TRAPPC3L: variants seen among roughly 807,000 people sequenced by gnomAD.
TRAPPC3L encodes the protein trafficking protein particle complex subunit 3-like protein.
Under a neutral mutation model 23.7 loss-of-function variants are expected in TRAPPC3L, and 23 were observed. That is an observed-to-expected ratio of 0.97 (90% CI 0.70 to 1.37). The LOEUF is 1.37. Ranked by LOEUF, TRAPPC3L falls within the 40% of genes most tolerant of loss-of-function variation. The pLI, the probability that TRAPPC3L is intolerant of heterozygous loss-of-function variation, is 0.00. For synonymous variants in TRAPPC3L, 81 were observed against 77.9 expected, an observed-to-expected ratio of 1.04 and a Z score of -0.21; for missense variants, 212 against 216.8, an observed-to-expected ratio of 0.98 and a Z score of 0.14.
At chr6:116,506,143 A>G (rs1323234564) in intron 3 of TRAPPC3L, among the ~76,000 whole-genome samples, 1 of 152,254 alleles carries the variant, frequency 6.6e-6, no homozygotes, top group Admixed American at 6.5e-5. Context: ...TAATATCCAG[A>G]GTCTACAAAG....
chr6:116,530,837 AAAAC>A (rs1289549635), intron 3 of TRAPPC3L, among the ~76,000 whole-genome samples: 1 of 149,862 alleles, frequency 6.7e-6, no homozygotes, highest in Admixed American at 6.6e-5. Context: ...GAAACAAAGA[AAAAC>A]AAACACCAGC....
chr6:116,544,365 C>G (rs1045524509), intron 1 of TRAPPC3L, among the ~76,000 whole-genome samples: 9 of 152,000 alleles, frequency 5.9e-5, no homozygotes, highest in Admixed American at 1.3e-4. Flanking sequence ...ATATTGAAAT[C>G]TATTTTATTT....
rs532670251 is a variant in TRAPPC3L at position 116,533,765 on chromosome 6, T to A, written c.240+6598A>T. Among the ~76,000 whole-genome samples the A allele has an allele frequency of 1.3e-3, 202 of 152,350 alleles. 1 individual carries two copies. Among genetic ancestry groups the A allele is most frequent in the Non-Finnish European group, 2.3e-3 (154 of 68,034 alleles). Reference sequence around the variant, plus strand: ...GAAGAAGGGGCTTTTCTTCTGTCTCTAGCGTGCCTTTTGTTGGCTTGCTCC... The same window carrying A: ...GAAGAAGGGGCTTTTCTTCTGTCTCAAGCGTGCCTTTTGTTGGCTTGCTCC... On this transcript the variant is annotated intron_variant, in intron 3 of 4. Transcript: ENST00000368602.
chr6:116,526,160 A>G (rs1168777692), intron 3 of TRAPPC3L, among the ~76,000 whole-genome samples: 1 of 152,234 alleles, frequency 6.6e-6, no homozygotes, highest in Non-Finnish European at 1.5e-5. Context: ...CTCTTTCCCT[A>G]TAGACAAGTT....
At chr6:116,505,145 A>T (rs1179334338) in intron 3 of TRAPPC3L, among the ~76,000 whole-genome samples, 5 of 152,234 alleles carry the variant, frequency 3.3e-5, no homozygotes, top group Non-Finnish European at 7.3e-5. Flanking sequence ...AAATCTCCTT[A>T]AGCTGATAAG....
chr6:116,536,301 A>G (rs1159256970), intron 3 of TRAPPC3L, among the ~76,000 whole-genome samples: 1 of 152,188 alleles, frequency 6.6e-6, no homozygotes, highest in African/African-American at 2.4e-5. Context: ...GGCCATTATC[A>G]TGGGATTTCT....
At chr6:116,530,807 G>A (rs532217803) in intron 3 of TRAPPC3L, among the ~76,000 whole-genome samples, 17 of 150,096 alleles carry the variant, frequency 1.1e-4, no homozygotes, top group Non-Finnish European at 2.1e-4. Flanking sequence ...CACTAGTTAC[G>A]TGCCCCAAAT....
chr6:116,511,877 G>C lies in TRAPPC3L; in HGVS notation c.241-11211C>G, dbSNP rs1184527676. 9 of 1,613,942 alleles carry C rather than the reference G, an allele frequency of 5.6e-6. No homozygotes were observed. The South Asian group carries it at 9.9e-5, about 18-fold the overall frequency. ...GGTTTTCCTCTTTGCTCCTGCCTGGGTGTTACTGATCCTGGGATTCTTTCT... is the reference window on the plus strand; with the variant it reads ...GGTTTTCCTCTTTGCTCCTGCCTGGCTGTTACTGATCCTGGGATTCTTTCT... On this transcript the variant is annotated intron_variant, in intron 3 of 4. Transcript: ENST00000368602.
intron 3 of TRAPPC3L, chr6:116,520,219 G>A (rs776948583): frequency 6.6e-6 from 1 of 152,170 alleles, no homozygotes; most frequent in Non-Finnish European, 1.5e-5. Flanking sequence ...AAGCAATCCA[G>A]AAGTCACTGG....
intron 3 of TRAPPC3L, among the ~76,000 whole-genome samples, chr6:116,533,297 G>A (rs1249803147): frequency 6.6e-6 from 1 of 152,214 alleles, no homozygotes; most frequent in African/African-American, 2.4e-5. Flanking sequence ...AAAAGAGGTA[G>A]TGGTTGTATT....
At chr6:116,503,823 AT>A (rs1321236073) in intron 3 of TRAPPC3L, among the ~76,000 whole-genome samples, 1 of 152,218 alleles carries the variant, frequency 6.6e-6, no homozygotes, top group East Asian at 1.9e-4. Flanking sequence ...TTAGAAACCA[AT>A]GAGAAAAAAG....
chr6:116,535,938 T>A (rs1773054093), intron 3 of TRAPPC3L, among the ~76,000 whole-genome samples: 2 of 152,172 alleles, frequency 1.3e-5, no homozygotes, highest in Non-Finnish European at 2.9e-5. Context: ...GGGCTAATGA[T>A]AGATGATAGA....
chr6:116,502,318 T>G (rs1248751294), intron 3 of TRAPPC3L, among the ~76,000 whole-genome samples: 3 of 151,846 alleles, frequency 2.0e-5, no homozygotes, highest in Admixed American at 1.3e-4. Context: ...GAAGGCAAGA[T>G]TAGAGAAAAA....
chr6:116,533,413 T>C lies in TRAPPC3L; in HGVS notation c.240+6950A>G, dbSNP rs368022085. The stretch of plus-strand genomic sequence containing the variant: ...ATTTTGTGTCTTCAGTGGCAAGAAG[T>C]TGACACCACTCTAGCAAGAAAAACA... On this transcript the variant is annotated intron_variant, in intron 3 of 4. Coordinates refer to ENST00000368602, the MANE Select transcript of TRAPPC3L (RefSeq NM_001139444.3). 1.2e-4 allele frequency among the ~76,000 whole-genome samples: 18 copies of C among 152,320 alleles called. 1 individual carries two copies. In the South Asian group the frequency reaches 3.7e-3, roughly 32 times the overall value.
chr6:116,503,379 T>C (rs961396590), intron 3 of TRAPPC3L, among the ~76,000 whole-genome samples: 3 of 152,162 alleles, frequency 2.0e-5, no homozygotes, highest in Non-Finnish European at 4.4e-5. Context: ...ATAAAGCAAG[T>C]TCTTAGAGAC....
At chr6:116,497,543 A>G (rs755928303) in intron 4 of TRAPPC3L, among the ~76,000 whole-genome samples, 1 of 152,236 alleles carries the variant, frequency 6.6e-6, no homozygotes, top group Non-Finnish European at 1.5e-5. Context: ...GCAGTCACTT[A>G]TGGCTTTGAG....
chr6:116,517,025 A>G (rs1214061044), intron 3 of TRAPPC3L: 2 of 152,144 alleles, frequency 1.3e-5, no homozygotes, highest in Non-Finnish European at 2.9e-5. Flanking sequence ...GGTGAGAGCA[A>G]TTTTCCAGGT....
At position 116,511,912 on chromosome 6, in the gene TRAPPC3L, G is replaced by C. The variant is rs1772128837; in HGVS notation, c.241-11246C>G. 2.5e-6 allele frequency: 4 copies of C among 1,613,896 alleles called. No homozygotes were observed. In the African/African-American group the frequency reaches 5.3e-5, roughly 22 times the overall value. ...TCCTGGGATTCTTTCTGAACAATAG[G>C]TCGTGGAGACTCTTCACAGGCTGCT... On this transcript the variant is annotated intron_variant, in intron 3 of 4. Coordinates refer to ENST00000368602, the MANE Select transcript of TRAPPC3L (RefSeq NM_001139444.3).
In TRAPPC3L at chr6:116,496,970, T is replaced by C. The variant is rs1771841623; in HGVS notation, c.530A>G (p.Tyr177Cys). The change falls in exon 5 of 5, where the codon TAT (tyrosine) becomes TGT (cysteine). Residue 177 changes from tyrosine (Y) to cysteine (C), a missense_variant. Tyr to Cys is a radical substitution (Grantham distance 194). Coordinates refer to ENST00000368602, the MANE Select transcript of TRAPPC3L (RefSeq NM_001139444.3). ...TGCTAGTCTTCATTTTTTCCCTCTATATTTTTTCTCGTCTCGCTTTTTTAG... is the reference window on the plus strand; with the variant it reads ...TGCTAGTCTTCATTTTTTCCCTCTACATTTTTTCTCGTCTCGCTTTTTTAG... ...TFLKKRDEKK[Y>C]RGKK 1.3e-6 allele frequency: 2 copies of C among 1,545,250 alleles called. No homozygotes were observed. Among genetic ancestry groups the C allele is most frequent in the Non-Finnish European group, 8.7e-7 (1 of 1,145,474 alleles).
Sources: allele counts gnomAD v4.1 joint callset (sites outside exome capture counted in the v4.1 genomes callset), GRCh38; gene constraint gnomAD v4.1.1; transcripts MANE v1.5; gene names NCBI Gene and HGNC (gene_info 2026-07-23, HGNC 2026-07-21).